The following RANBP2 variants were observed in gnomAD, a reference collection of about 807,000 sequenced individuals.
RANBP2 encodes the protein RAN binding protein 2.
A neutral mutation model predicts 303.6 loss-of-function variants in RANBP2; 57 were observed. That is an observed-to-expected ratio of 0.19 (90% CI 0.15 to 0.23). The LOEUF (loss-of-function observed/expected upper bound fraction) is 0.23. Ranked by LOEUF, RANBP2 falls within the 10% of genes least tolerant of loss-of-function variation. The probability of loss-of-function intolerance (pLI) is 1.00; values close to 1 mark genes in which losing one functional copy is unlikely to be tolerated. For synonymous variants in RANBP2, 1,167 were observed against 1,301.5 expected, an observed-to-expected ratio of 0.90 and a Z score of 2.23; for missense variants, 3,138 against 3,780.8, an observed-to-expected ratio of 0.83 and a Z score of 4.46.
chr2:109,131,571 C>G, the RANBP2 span, among the ~76,000 whole-genome samples: 1 of 152,134 alleles, frequency 6.6e-6, no homozygotes, highest in South Asian at 2.1e-4. Context: ...GATGTCCTCT[C>G]AGTTTATCTT....
the RANBP2 span, among the ~76,000 whole-genome samples, chr2:109,354,014 A>G: frequency 9.8e-4 from 149 of 152,304 alleles, no homozygotes; most frequent in African/African-American, 3.4e-3. Context: ...CAGGACAAAG[A>G]TGCAGGGCCA....
At chr2:109,106,212 A>C in the RANBP2 span, among the ~76,000 whole-genome samples, 1 of 152,026 alleles carries the variant, frequency 6.6e-6, no homozygotes, top group Non-Finnish European at 1.5e-5. Flanking sequence ...AACTTGCTTC[A>C]ATTTCTCTCA....
chr2:109,652,711 A>G, the RANBP2 span, among the ~76,000 whole-genome samples: 228 of 152,264 alleles, frequency 1.5e-3, 2 homozygotes, highest in Non-Finnish European at 7.1e-4. Context: ...CATGGCCAAG[A>G]CTTCAGTCTC....
At chr2:109,327,394 A>G in the RANBP2 span, among the ~76,000 whole-genome samples, 1 of 152,198 alleles carries the variant, frequency 6.6e-6, no homozygotes, top group Non-Finnish European at 1.5e-5. Context: ...ATTGTTGATT[A>G]AACTATTCTT....
At chr2:109,680,518 G>T in the RANBP2 span, among the ~76,000 whole-genome samples, 1 of 152,188 alleles carries the variant, frequency 6.6e-6, no homozygotes, top group South Asian at 2.1e-4. Context: ...TGTGTAAAGT[G>T]AAAGTAATAG....
At chr2:109,707,993 C>T in the RANBP2 span, among the ~76,000 whole-genome samples, 1 of 152,360 alleles carries the variant, frequency 6.6e-6, no homozygotes, top group Non-Finnish European at 1.5e-5. Flanking sequence ...CAAGTGCCAT[C>T]CTGTACTGAG....
At chr2:108,855,574 A>G in the RANBP2 span, among the ~76,000 whole-genome samples, 2 of 152,140 alleles carry the variant, frequency 1.3e-5, no homozygotes, top group Non-Finnish European at 2.9e-5. Context: ...ATACACATTT[A>G]TTTACAATGT....
At chr2:109,474,709 C>G in the RANBP2 span, among the ~76,000 whole-genome samples, 1 of 152,216 alleles carries the variant, frequency 6.6e-6, no homozygotes, top group African/African-American at 2.4e-5. Context: ...ATCGCAGATA[C>G]TTCACCACCA....
At chr2:109,154,161 A>C in the RANBP2 span, among the ~76,000 whole-genome samples, 29 of 152,268 alleles carry the variant, frequency 1.9e-4, no homozygotes, top group Non-Finnish European at 3.1e-4. Flanking sequence ...TAGGGTTCAA[A>C]ATGTCATCCC....
chr2:109,424,076 G>A, the RANBP2 span, among the ~76,000 whole-genome samples: 6 of 152,184 alleles, frequency 3.9e-5, no homozygotes, highest in South Asian at 2.1e-4. Flanking sequence ...CACCGGTACC[G>A]GCATTGTCTA....
the RANBP2 span, among the ~76,000 whole-genome samples, chr2:109,522,158 A>T: frequency 6.6e-6 from 1 of 151,992 alleles, no homozygotes; most frequent in East Asian, 1.9e-4. Flanking sequence ...AAAGTTCCAA[A>T]CTTTGGACTT....
At chr2:109,711,537 G>A in the RANBP2 span, among the ~76,000 whole-genome samples, 7 of 152,262 alleles carry the variant, frequency 4.6e-5, no homozygotes, top group South Asian at 2.1e-4. Context: ...TTGCCTACAC[G>A]GTTCTGAGGC....
the RANBP2 span, among the ~76,000 whole-genome samples, chr2:109,314,536 G>A: frequency 2.4e-4 from 36 of 152,166 alleles, no homozygotes; most frequent in African/African-American, 7.5e-4. Flanking sequence ...CATATGAATA[G>A]CACCATCAAC....
At chr2:109,213,326 A>T in the RANBP2 span, among the ~76,000 whole-genome samples, 2 of 152,206 alleles carry the variant, frequency 1.3e-5, no homozygotes, top group African/African-American at 4.8e-5. Context: ...GTGTACGCCA[A>T]ACGCAGCCCG....
chr2:108,876,272 A>G, the RANBP2 span: 28 of 1,470,744 alleles, frequency 1.9e-5, no homozygotes, highest in South Asian at 2.5e-5. Context: ...ATTTTTTAAT[A>G]TAGTATATGT....
chr2:109,543,582 A>T, the RANBP2 span: 1 of 152,204 alleles, frequency 6.6e-6, no homozygotes, highest in African/African-American at 2.4e-5. Context: ...ATTCCCCAAA[A>T]TTTTTAGCAT....
the RANBP2 span, among the ~76,000 whole-genome samples, chr2:109,121,324 C>G: frequency 1.3e-5 from 2 of 152,114 alleles, no homozygotes; most frequent in East Asian, 3.9e-4. Context: ...AACCAGGGAC[C>G]TGGGTATCTG....
At chr2:109,205,064 G>T in the RANBP2 span, among the ~76,000 whole-genome samples, 1 of 152,028 alleles carries the variant, frequency 6.6e-6, no homozygotes, top group African/African-American at 2.4e-5. Flanking sequence ...AATATTAACT[G>T]GGCATAGAAG....
the RANBP2 span, among the ~76,000 whole-genome samples, chr2:108,826,148 T>C: frequency 1.3e-5 from 2 of 152,230 alleles, no homozygotes; most frequent in Non-Finnish European, 2.9e-5. Flanking sequence ...TTTTTAAATA[T>C]TCAAGATGGA....
Sources: gnomAD v4.1 joint callset for allele counts (sites outside exome capture counted in the v4.1 genomes callset) on GRCh38, gnomAD v4.1.1 for gene constraint, MANE v1.5 for transcripts, NCBI Gene and HGNC (gene_info 2026-07-23, HGNC 2026-07-21) for gene names.